NDNF: variants seen among roughly 807,000 people sequenced by gnomAD.
NDNF encodes the protein neuron derived neurotrophic factor, also known as protein NDNF.
NDNF carries 16 observed loss-of-function variants against 42.0 expected under a neutral mutation model. The observed-to-expected ratio is 0.38, with a 90% confidence interval of 0.26 to 0.58. The LOEUF is 0.58. NDNF is among the 20% of genes least tolerant of loss of function. The probability of loss-of-function intolerance (pLI) is 0.67; values close to 1 mark genes in which losing one functional copy is unlikely to be tolerated. For missense variants in NDNF, 616 were observed against 666.2 expected, an observed-to-expected ratio of 0.92 and a Z score of 0.83; for synonymous variants, 248 against 251.7, an observed-to-expected ratio of 0.99 and a Z score of 0.14.
intron 1 of NDNF, among the ~76,000 whole-genome samples, chr4:121,068,206 C>G (rs1242656397): frequency 4.6e-5 from 7 of 152,006 alleles, no homozygotes; most frequent in Admixed American, 2.6e-4. Flanking sequence ...AGGAAATTAA[C>G]ATGGAAGCTT....
At chr4:121,056,265 C>T (rs1727293614) in intron 1 of NDNF, among the ~76,000 whole-genome samples, 1 of 152,132 alleles carries the variant, frequency 6.6e-6, no homozygotes, top group South Asian at 2.1e-4. Context: ...AGATGGTGAG[C>T]TCAGTGAAGA....
rs774139448 is a variant in NDNF, at chr4:121,036,329, T to C, written c.1642A>G (p.Ile548Val). 3.1e-6 allele frequency: 5 copies of C among 1,614,142 alleles called. No homozygotes were observed. Among genetic ancestry groups the C allele is most frequent in the South Asian group, 2.2e-5 (2 of 91,064 alleles). ...GKSYLLDVYV[I>V]GHGGHSVKYQ... ...TTTACAGAGTGCCCCCCATGTCCTA[T>C]GACATAAACATCCAGCAGGTAAGAT... Residue 548 changes from isoleucine (I) to valine (V), a missense_variant, in exon 4 of 4, where the codon ATA (isoleucine) becomes GTA (valine). By Grantham distance (29) the Ile-to-Val change is conservative (BLOSUM62 3). Transcript: ENST00000379692.
intron 1 of NDNF, among the ~76,000 whole-genome samples, chr4:121,060,546 C>G (rs1462547852): frequency 1.3e-5 from 2 of 152,016 alleles, no homozygotes; most frequent in Non-Finnish European, 2.9e-5. Flanking sequence ...ACAAAGCCCA[C>G]TAATGGACCA....
intron 1 of NDNF, among the ~76,000 whole-genome samples, chr4:121,055,226 A>G (rs1194442260): frequency 6.6e-6 from 1 of 152,196 alleles, no homozygotes; most frequent in Non-Finnish European, 1.5e-5. Context: ...TAGTTTTAAA[A>G]GCAGAAAACA....
chr4:121,062,689 G>GT (rs1727433365), intron 1 of NDNF, among the ~76,000 whole-genome samples: 2 of 152,148 alleles, frequency 1.3e-5, no homozygotes, highest in South Asian at 2.1e-4. Context: ...GTTAGGTGTG[G>GT]TTTTTCTTCT....
At chr4:121,064,688 AG>A (rs1412274513) in intron 1 of NDNF, among the ~76,000 whole-genome samples, 1 of 152,148 alleles carries the variant, frequency 6.6e-6, no homozygotes, top group Non-Finnish European at 1.5e-5. Context: ...CTGAGGTCTG[AG>A]GTCTCCAAAC....
rs1403185334 is a variant in NDNF, at chr4:121,036,177, C to T, written c.*87G>A. Reference sequence around the variant, plus strand: ...AGTACAAGTACAGGTCACAACTTCTCTCAACTGTGGGAGTAGTCAGTTTAT... The same window carrying T: ...AGTACAAGTACAGGTCACAACTTCTTTCAACTGTGGGAGTAGTCAGTTTAT... On this transcript the variant is annotated 3_prime_UTR_variant, in exon 4 of 4. Transcript: ENST00000379692. 34 of 1,087,844 alleles carry T rather than the reference C, an allele frequency of 3.1e-5. No homozygotes were observed. The highest frequency in any genetic ancestry group is 4.5e-5 in the Non-Finnish European group (34 of 747,844). 67.4% of individuals were successfully genotyped at this position (1,087,844 alleles called of 1,614,324 possible). A position where few individuals can be genotyped will look rare whatever the true frequency, so the allele number is the denominator to read the frequency against.
At chr4:121,069,156 C>T (rs1448580087) in intron 1 of NDNF, among the ~76,000 whole-genome samples, 4 of 152,168 alleles carry the variant, frequency 2.6e-5, no homozygotes, top group Non-Finnish European at 4.4e-5. Flanking sequence ...AAGGTTCACG[C>T]AGCCAACTAG....
chr4:121,042,613 A>T lies in NDNF; in HGVS notation c.189-2559T>A, dbSNP rs1386859366. On this transcript the variant is annotated intron_variant, in intron 2 of 3. Transcript: ENST00000379692. ...AATACAGTCTACTTTTTGTGAGTAG[A>T]ATTTTGTCCCTTTGGCCAGATTGCA... Among the ~76,000 whole-genome samples, 6 of 152,194 alleles carry T rather than the reference A, an allele frequency of 3.9e-5. No homozygotes were observed. In the East Asian group the frequency reaches 9.6e-4, roughly 24 times the overall value.
chr4:121,057,091 G>A (rs1727309392), intron 1 of NDNF, among the ~76,000 whole-genome samples: 1 of 152,196 alleles, frequency 6.6e-6, no homozygotes, highest in Non-Finnish European at 1.5e-5. Context: ...CAGTGGATAA[G>A]AGGGATGAAA....
intron 1 of NDNF, 147 bp downstream of exon 1, chr4:121,071,846 C>T (rs1334690081): frequency 6.6e-6 from 1 of 151,652 alleles, no homozygotes; most frequent in African/African-American, 2.4e-5. Flanking sequence ...CCTTGAGAAG[C>T]TTCTTGGGCC....
chr4:121,039,864 G>A (rs997998900), intron 3 of NDNF, 66 bp downstream of exon 3: 3 of 1,545,668 alleles, frequency 1.9e-6, no homozygotes, highest in Non-Finnish European at 2.6e-6. Flanking sequence ...ATAGAAGGTT[G>A]TATGTTTCAC....
At chr4:121,067,580 CAAT>C (rs1727521634) in intron 1 of NDNF, among the ~76,000 whole-genome samples, 1 of 152,130 alleles carries the variant, frequency 6.6e-6, no homozygotes, top group Non-Finnish European at 1.5e-5. Context: ...AAAGTTAACT[CAAT>C]GAGTTCCTTG....
chr4:121,068,460 G>A (rs1412029392), intron 1 of NDNF, among the ~76,000 whole-genome samples: 1 of 152,134 alleles, frequency 6.6e-6, no homozygotes, highest in African/African-American at 2.4e-5. Flanking sequence ...AGAATAAATT[G>A]TGTTCTTTAG....
intron 1 of NDNF, among the ~76,000 whole-genome samples, chr4:121,066,167 G>T (rs1246696279): frequency 6.6e-6 from 1 of 151,940 alleles, no homozygotes; most frequent in Non-Finnish European, 1.5e-5. Context: ...CATTTAAGAG[G>T]CAGTTTTCTT....
intron 1 of NDNF, among the ~76,000 whole-genome samples, chr4:121,068,804 T>C (rs1727542371): frequency 6.6e-6 from 1 of 152,124 alleles, no homozygotes; most frequent in African/African-American, 2.4e-5. Context: ...ATAATCTTAA[T>C]TAGCACATAT....
In NDNF at chr4:121,039,165, ATATATAAAGAC is replaced by A. The variant is rs1286634766; in HGVS notation, c.313+754_313+764del. On this transcript the variant is annotated intron_variant, in intron 3 of 3. Transcript: ENST00000379692. ...TATGTGTATATATATATGTATATAT[ATATATAAAGAC>A]TATGTGTGTGTGTGTGTATATATAT... is the stretch of plus-strand genomic sequence containing the variant. Among the ~76,000 whole-genome samples the A allele has an allele frequency of 2.6e-4, 14 of 54,248 alleles. 2 individuals are homozygous for A. The highest frequency in any genetic ancestry group is 6.4e-4 in the Admixed American group (2 of 3,138). The allele number at this position is 54,248 out of a possible 152,430, so 35.6% of individuals were successfully genotyped here. A position where few individuals can be genotyped will look rare whatever the true frequency, so the allele number is the denominator to read the frequency against.
chr4:121,063,474 G>T (rs955836367), intron 1 of NDNF, among the ~76,000 whole-genome samples: 1 of 152,142 alleles, frequency 6.6e-6, no homozygotes, highest in Non-Finnish European at 1.5e-5. Context: ...CACACAGAGT[G>T]AGAGAGGAGA....
intron 1 of NDNF, among the ~76,000 whole-genome samples, chr4:121,054,298 C>T (rs1727248761): frequency 2.0e-5 from 3 of 152,202 alleles, no homozygotes; most frequent in East Asian, 1.9e-4. Context: ...GCCCAGCCAA[C>T]AGAGTCCAAT....
Sources: allele counts gnomAD v4.1 joint callset (sites outside exome capture counted in the v4.1 genomes callset), GRCh38; gene constraint gnomAD v4.1.1; transcripts MANE v1.5; gene names NCBI Gene and HGNC (gene_info 2026-07-23, HGNC 2026-07-21).